HYKK: variants seen among roughly 807,000 people sequenced by gnomAD.
The protein encoded by HYKK is 5-hydroxy-L-lysine kinase.
Under a neutral mutation model 29.7 loss-of-function variants are expected in HYKK, and 19 were observed. That is an observed-to-expected ratio of 0.64 (90% CI 0.45 to 0.94). HYKK has a LOEUF of 0.94. HYKK is among the 40% of genes least tolerant of loss of function. The pLI, the probability that HYKK is intolerant of heterozygous loss-of-function variation, is 0.00. For synonymous variants in HYKK, 152 were observed against 158.1 expected (o/e 0.96, Z 0.29); for missense variants, 390 against 443.4 (o/e 0.88, Z 1.08).
intron 3 of HYKK, among the ~76,000 whole-genome samples, chr15:78,520,547 G>C (rs1295615714): frequency 6.6e-6 from 1 of 152,118 alleles, no homozygotes; most frequent in Non-Finnish European, 1.5e-5. Flanking sequence ...GAGAGCACAG[G>C]GTTGGGGGTA....
chr15:78,533,603 G>A lies in HYKK; in HGVS notation c.1055G>A (p.Gly352Asp). The A allele has an allele frequency of 6.2e-7, 1 of 1,614,208 alleles. No homozygotes were observed. Among genetic ancestry groups the A allele is most frequent in the Non-Finnish European group, 8.5e-7 (1 of 1,180,038 alleles). Residue 352 changes from glycine to aspartate, a missense_variant, in exon 5 of 5, where the codon GGT becomes GAT. By Grantham distance (94) the Gly-to-Asp change is moderately conservative. Coordinates refer to ENST00000388988, the MANE Select transcript of HYKK (RefSeq NM_001013619.4). ...WKHLQQMFDM[G>D]QKAVEEIWFE... ...CACTTACAGCAAATGTTTGACATGG[G>A]TCAGAAAGCTGTAGAAGAAATCTGG...
At chr15:78,529,255 T>A (rs866482482) in intron 4 of HYKK, among the ~76,000 whole-genome samples, 2 of 152,230 alleles carry the variant, frequency 1.3e-5, no homozygotes, top group Non-Finnish European at 2.9e-5. Flanking sequence ...TTGGTTAACT[T>A]TTATAACTCT....
chr15:78,536,303 A>G lies in HYKK; in HGVS notation c.*2633A>G, dbSNP rs1343666448. The G allele has an allele frequency of 4.1e-5, 1 of 24,252 alleles. No individual in the cohort carries two copies. The highest frequency in any genetic ancestry group is 1.1e-4 in the Non-Finnish European group (1 of 9,102). The allele number at this position is 24,252 out of a possible 1,614,324, so 1.5% of individuals were successfully genotyped here. A position where few individuals can be genotyped will look rare whatever the true frequency, so the allele number is the denominator to read the frequency against. ...CCCTCCTCTCCTGTCCCTGCTACAC[A>G]CACACACACACACACACACACACAC... is the stretch of plus-strand genomic sequence containing the variant. On this transcript the variant is annotated 3_prime_UTR_variant, in exon 5 of 5. Coordinates refer to ENST00000388988, the MANE Select transcript of HYKK (RefSeq NM_001013619.4).
chr15:78,525,449 C>T (rs1004127228), intron 3 of HYKK, among the ~76,000 whole-genome samples: 9 of 151,830 alleles, frequency 5.9e-5, no homozygotes, highest in Middle Eastern at 3.4e-3. Flanking sequence ...AGCCACCATG[C>T]CCAGCCTAGA....
At chr15:78,529,488 G>T (rs2052289896) in intron 4 of HYKK, among the ~76,000 whole-genome samples, 2 of 152,122 alleles carry the variant, frequency 1.3e-5, no homozygotes, top group Non-Finnish European at 2.9e-5. Flanking sequence ...TTCAAAAGTG[G>T]TTCTATGAAT....
intron 3 of HYKK, among the ~76,000 whole-genome samples, chr15:78,516,297 C>T (rs572723558): frequency 6.6e-6 from 1 of 151,522 alleles, no homozygotes; most frequent in African/African-American, 2.4e-5. Flanking sequence ...TCATTGTCAT[C>T]CTCATTTTGA....
chr15:78,512,640 G>T (rs995096562), intron 1 of HYKK, among the ~76,000 whole-genome samples: 9 of 151,972 alleles, frequency 5.9e-5, no homozygotes, highest in Admixed American at 3.9e-4. Flanking sequence ...GACCTCAGGT[G>T]ATCTGCCTGC....
chr15:78,528,541 G>C (rs1342706968), intron 4 of HYKK: 1 of 982,258 alleles, frequency 1.0e-6, no homozygotes, highest in Non-Finnish European at 1.2e-6. Context: ...GGTGGCTCCC[G>C]CCTGTAATCC....
chr15:78,509,667 T>TA (rs1018437695), intron 1 of HYKK, among the ~76,000 whole-genome samples: 1 of 152,228 alleles, frequency 6.6e-6, no homozygotes, highest in African/African-American at 2.4e-5. Context: ...TTTGAATACT[T>TA]ACCTTATACC....
intron 4 of HYKK, chr15:78,528,453 T>C: frequency 4.1e-6 from 4 of 985,444 alleles, no homozygotes; most frequent in Non-Finnish European, 4.8e-6. Context: ...GGTGTTTCTC[T>C]AGGCTATATT....
rs111819086 is a variant in HYKK, at chr15:78,511,802, G to C, written c.-5-1282G>C. Among the ~76,000 whole-genome samples the C allele has an allele frequency of 6.8e-3, 1,039 of 152,236 alleles. 15 individuals are homozygous for C. Among genetic ancestry groups the C allele is most frequent in the African/African-American group, 0.024 (1,007 of 41,550 alleles). On this transcript the variant is annotated intron_variant, in intron 1 of 4. Transcript: ENST00000388988. ...AATCCCAGCACTTTGGGAGGCGTAA[G>C]TGGGAGGATCGCTTGAGACCAGGAG...
chr15:78,528,532 G>A (rs2052280408), intron 4 of HYKK: 1 of 984,490 alleles, frequency 1.0e-6, no homozygotes, highest in African/African-American at 1.7e-5. Context: ...GCTGGGTGTG[G>A]TGGCTCCCGC....
intron 1 of HYKK, among the ~76,000 whole-genome samples, chr15:78,507,913 G>A (rs1398794249): frequency 6.6e-6 from 1 of 152,184 alleles, no homozygotes; most frequent in African/African-American, 2.4e-5. Context: ...CGTGGCACCC[G>A]AGAAGCTGTC....
intron 1 of HYKK, among the ~76,000 whole-genome samples, chr15:78,508,593 A>G (rs1383326393): frequency 6.6e-6 from 1 of 152,100 alleles, no homozygotes; most frequent in South Asian, 2.1e-4. Context: ...GGGCTTTTTC[A>G]GGAGCTAAAT....
At chr15:78,517,006 A>T (rs952869409) in intron 3 of HYKK, among the ~76,000 whole-genome samples, 2 of 151,688 alleles carry the variant, frequency 1.3e-5, no homozygotes, top group African/African-American at 2.4e-5. Context: ...GTGACAGAGC[A>T]AGACCTTGTC....
Position 78,527,550 on chromosome 15 carries a change from T to A in HYKK, c.648T>A (p.Ser216Arg), listed in dbSNP as rs1480174825. ...AGGAGGAAGTAATGACCAAATTAAGTCATTTTCGAGAATGTGAGTATTCTC... is the reference window on the plus strand; with the variant it reads ...AGGAGGAAGTAATGACCAAATTAAGACATTTTCGAGAATGTGAGTATTCTC... ...LFKEEVMTKL[S>R]HFRECINHGD... The change falls in exon 4 of 5, where the codon AGT becomes AGA. Residue 216 changes from serine (S) to arginine (R), a missense_variant. Coordinates refer to ENST00000388988, the MANE Select transcript of HYKK (RefSeq NM_001013619.4). 1 of 1,613,890 alleles carries A rather than the reference T, an allele frequency of 6.2e-7. No homozygotes were observed. The highest frequency in any genetic ancestry group is 1.1e-5 in the South Asian group (1 of 91,064).
intron 1 of HYKK, among the ~76,000 whole-genome samples, chr15:78,511,611 G>A (rs1189071946): frequency 6.6e-6 from 1 of 152,080 alleles, no homozygotes; most frequent in Non-Finnish European, 1.5e-5. Context: ...TGTAGTCCCA[G>A]CCACCTAGGA....
chr15:78,520,977 A>C (rs1010266456), intron 3 of HYKK, among the ~76,000 whole-genome samples: 1 of 150,386 alleles, frequency 6.6e-6, no homozygotes, highest in African/African-American at 2.4e-5. Flanking sequence ...TGACCCCCCC[A>C]CCTCCCTCCC....
At chr15:78,513,014 G>A (rs2052089627) in intron 1 of HYKK, 70 bp from the exon 2 acceptor site, 1 of 830,422 alleles carries the variant, frequency 1.2e-6, no homozygotes. Flanking sequence ...GGTCTGTCTT[G>A]AGAAAAATCA....
Sources: gnomAD v4.1 joint callset for allele counts (sites outside exome capture counted in the v4.1 genomes callset) on GRCh38, gnomAD v4.1.1 for gene constraint, MANE v1.5 for transcripts, NCBI Gene and HGNC (gene_info 2026-07-23, HGNC 2026-07-21) for gene names.